ACOX3: variants seen among roughly 807,000 people sequenced by gnomAD.
ACOX3 encodes the protein peroxisomal acyl-coenzyme A oxidase 3.
A neutral mutation model predicts 81.5 loss-of-function variants in ACOX3; 73 were observed. The ratio of observed to expected loss-of-function variants is 0.90; its 90% CI spans 0.74 to 1.09. ACOX3 has a LOEUF of 1.09. ACOX3 is among the 50% of genes least tolerant of loss of function. ACOX3 has a pLI of 0.00. For missense variants in ACOX3, 947 were observed against 928.0 expected (o/e 1.02, Z -0.27); for synonymous variants, 387 against 375.1 (o/e 1.03, Z -0.37).
In ACOX3 at chr4:8,375,752, A is replaced by AT. The variant is rs1716890892; in HGVS notation, c.1654-601dup. Among the ~76,000 whole-genome samples, 3 of 152,174 alleles carry AT rather than the reference A, an allele frequency of 2.0e-5. No individual in the cohort carries two copies. In the South Asian group the frequency reaches 6.2e-4, roughly 31 times the overall value. ...CCCCATGTTTAGCTCCCACTTGTAC[A>AT]TGTGAACATGCAGCATTTGATTTTC... On this transcript the variant is annotated intron_variant, in intron 14 of 17. Coordinates refer to ENST00000356406, the MANE Select transcript of ACOX3 (RefSeq NM_003501.3).
At chr4:8,391,033 GTA>G (rs1560179454) in intron 11 of ACOX3, among the ~76,000 whole-genome samples, 13 of 83,586 alleles carry the variant, frequency 1.6e-4, no homozygotes, top group African/African-American at 8.2e-4. Flanking sequence ...ATATGTATGT[GTA>G]TATGTATATG....
chr4:8,412,020 T>TC (rs1721778800), intron 5 of ACOX3, among the ~76,000 whole-genome samples: 1 of 152,172 alleles, frequency 6.6e-6, no homozygotes, highest in South Asian at 2.1e-4. Context: ...TGGGAAGTGG[T>TC]CCTCTGATGC....
At position 8,414,323 on chromosome 4, in the gene ACOX3, C is replaced by G; in HGVS notation, c.512G>C (p.Arg171Pro). ...GGCAGGATCGTAGTGGGCAGTTGTG[C>G]GAATGGCCTTGGTATTACTGCCGTG... is the stretch of plus-strand genomic sequence containing the variant. ...LSHGSNTKAI[R>P]TTAHYDPATE... The change falls in exon 5 of 18, where the codon CGC (arginine) becomes CCC (proline). Residue 171 changes from arginine to proline, a missense_variant. By Grantham distance (103) the Arg-to-Pro change is moderately radical (BLOSUM62 -2). Coordinates refer to ENST00000356406, the MANE Select transcript of ACOX3 (RefSeq NM_003501.3). This position sits in a 1 kb window ranked among gnomAD's most constrained non-coding sequence, Gnocchi z 6.1. The G allele has an allele frequency of 6.2e-7, 1 of 1,614,054 alleles. No individual in the cohort carries two copies. Among genetic ancestry groups the G allele is most frequent in the Non-Finnish European group, 8.5e-7 (1 of 1,180,008 alleles).
intron 7 of ACOX3, among the ~76,000 whole-genome samples, chr4:8,404,286 C>T (rs1720684773): frequency 6.6e-6 from 1 of 152,244 alleles, no homozygotes; most frequent in Non-Finnish European, 1.5e-5. Context: ...AGAGAACTGA[C>T]AGCCGCAGGT....
chr4:8,356,317 C>A, the ACOX3 span: 1 of 357,704 alleles, frequency 2.8e-6, no homozygotes, highest in Non-Finnish European at 5.5e-6. Context: ...CACTGCCTCC[C>A]ACACTGCTGG....
At chr4:8,421,371 CT>C (rs1196953865) in intron 1 of ACOX3, among the ~76,000 whole-genome samples, 6 of 152,214 alleles carry the variant, frequency 3.9e-5, no homozygotes, top group African/African-American at 1.4e-4. Context: ...CCAGCTTCCA[CT>C]TTTACAGTTT....
chr4:8,378,745 T>G (rs1267664841), intron 14 of ACOX3, among the ~76,000 whole-genome samples: 1 of 152,246 alleles, frequency 6.6e-6, no homozygotes, highest in Non-Finnish European at 1.5e-5. Flanking sequence ...GACCTTTCTG[T>G]GCATGCCAGG....
rs1380036069 is a variant in ACOX3 at position 8,406,664 on chromosome 4, A to C, written c.688-621T>G. 6.6e-6 allele frequency among the ~76,000 whole-genome samples: 1 copy of C among 152,208 alleles called. No homozygotes were observed. Among genetic ancestry groups the C allele is most frequent in the Admixed American group, 6.5e-5 (1 of 15,286 alleles). Reference sequence around the variant, plus strand: ...CACATGGGTCACATGTCCACTGGACAGGGGGCCCTTCCCTGCCTGGCAGCT... The same window carrying C: ...CACATGGGTCACATGTCCACTGGACCGGGGGCCCTTCCCTGCCTGGCAGCT... On this transcript the variant is annotated intron_variant, in intron 6 of 17. Coordinates refer to ENST00000356406, the MANE Select transcript of ACOX3 (RefSeq NM_003501.3). This position sits in a 1 kb window ranked among gnomAD's most constrained non-coding sequence, Gnocchi z 5.6.
rs1722076572 is a variant in ACOX3, at chr4:8,414,136, T to C, written c.543+156A>G. Among the ~76,000 whole-genome samples the C allele has an allele frequency of 6.6e-6, 1 of 152,152 alleles. No individual in the cohort carries two copies. The highest frequency in any genetic ancestry group is 1.5e-5 in the Non-Finnish European group (1 of 68,014). ...TGCCTGATCTCCTGGGCCCCACTTT[T>C]CAGTGTGATGAATCTCAGTGGGTAT... is the stretch of plus-strand genomic sequence containing the variant. On this transcript the variant is annotated intron_variant, in intron 5 of 17. Transcript: ENST00000356406. This position sits in a 1 kb window ranked among gnomAD's most constrained non-coding sequence, Gnocchi z 6.1.
chr4:8,369,197 C>G (rs1009127047), intron 17 of ACOX3, among the ~76,000 whole-genome samples: 1 of 152,180 alleles, frequency 6.6e-6, no homozygotes, highest in Non-Finnish European at 1.5e-5. Context: ...GGCAGACAGT[C>G]CCGTGTGCTT....
In ACOX3 at chr4:8,368,013, A is replaced by C. The variant is rs1272728207; in HGVS notation, c.1984-933T>G. Among the ~76,000 whole-genome samples, 40 of 150,690 alleles carry C rather than the reference A, an allele frequency of 2.7e-4. No homozygotes were observed. Among genetic ancestry groups the C allele is most frequent in the Non-Finnish European group, 4.4e-5 (3 of 67,768 alleles). Reference sequence around the variant, plus strand: ...TCTCAAAAAAAAAAAAAAAGAACTGATCGTGGCAGTGGACACGCTGTTTCT... The same window carrying C: ...TCTCAAAAAAAAAAAAAAAGAACTGCTCGTGGCAGTGGACACGCTGTTTCT... On this transcript the variant is annotated intron_variant, in intron 17 of 17. Transcript: ENST00000356406. This position sits in a 1 kb window ranked among gnomAD's most constrained non-coding sequence, Gnocchi z 5.9.
At chr4:8,373,722 T>A in intron 15 of ACOX3, 94 bp from the exon 16 acceptor site, 1 of 1,176,426 alleles carries the variant, frequency 8.5e-7, no homozygotes, top group Non-Finnish European at 1.2e-6. Flanking sequence ...AAATCGGCCA[T>A]ATAGGAGGCC....
intron 1 of ACOX3, among the ~76,000 whole-genome samples, chr4:8,433,671 A>C (rs949667686): frequency 6.6e-6 from 1 of 152,222 alleles, no homozygotes; most frequent in Non-Finnish European, 1.5e-5. Flanking sequence ...CTGTGCTTTT[A>C]TCTCTAATAA....
chr4:8,435,490 C>A (rs1306670331), intron 1 of ACOX3, among the ~76,000 whole-genome samples: 1 of 151,076 alleles, frequency 6.6e-6, no homozygotes, highest in Admixed American at 6.6e-5. Context: ...AGCGAGACTC[C>A]GTCTCAAAAA....
At chr4:8,374,599 T>C in intron 15 of ACOX3, 1 of 190,598 alleles carries the variant, frequency 5.2e-6, no homozygotes, top group Non-Finnish European at 1.1e-5. Flanking sequence ...CAGCACCCCC[T>C]CCTCCAGGAA....
intron 1 of ACOX3, among the ~76,000 whole-genome samples, chr4:8,434,343 G>A (rs778864184): frequency 3.3e-5 from 5 of 152,160 alleles, no homozygotes; most frequent in African/African-American, 9.7e-5. Context: ...TCTTTAATCC[G>A]GTGTCTGAGG....
In ACOX3 at chr4:8,432,584, A is replaced by C. The variant is rs1161721441; in HGVS notation, c.-15+8064T>G. Among the ~76,000 whole-genome samples the C allele has an allele frequency of 6.6e-6, 1 of 151,838 alleles. No homozygotes were observed. Among genetic ancestry groups the C allele is most frequent in the African/African-American group, 2.4e-5 (1 of 41,294 alleles). Reference sequence around the variant, plus strand: ...AACATATTGAATTTAACGGGTTTCTATGCTGTTAAGGTCTTGGCATCAGAT... The same window carrying C: ...AACATATTGAATTTAACGGGTTTCTCTGCTGTTAAGGTCTTGGCATCAGAT... On this transcript the variant is annotated intron_variant, in intron 1 of 17. Coordinates refer to ENST00000356406, the MANE Select transcript of ACOX3 (RefSeq NM_003501.3). The surrounding 1 kb of genome is among the most constrained non-coding windows in gnomAD (Gnocchi z 6.2).
intron 14 of ACOX3, among the ~76,000 whole-genome samples, chr4:8,375,387 C>CTG (rs1171504223): frequency 4.6e-5 from 7 of 152,252 alleles, no homozygotes; most frequent in Non-Finnish European, 8.8e-5. Flanking sequence ...CACCGACGCC[C>CTG]TCCAAGGCCT....
intron 17 of ACOX3, among the ~76,000 whole-genome samples, chr4:8,369,012 C>T (rs892019937): frequency 2.6e-5 from 4 of 152,152 alleles, no homozygotes; most frequent in East Asian, 1.9e-4. Context: ...ATCCTGCCAG[C>T]GACACCTCCA....
Sources: gnomAD v4.1 joint callset for allele counts (sites outside exome capture counted in the v4.1 genomes callset) on GRCh38, gnomAD v4.1.1 for gene constraint, Gnocchi (gnomAD v3.1) non-coding constraint, MANE v1.5 for transcripts, NCBI Gene and HGNC (gene_info 2026-07-23, HGNC 2026-07-21) for gene names.